Variants in CDS2 observed in about 807,000 individuals in gnomAD.
CDS2 encodes the protein phosphatidate cytidylyltransferase 2.
CDS2 carries 47 observed loss-of-function variants against 59.0 expected under a neutral mutation model. That is an observed-to-expected ratio of 0.80 (90% CI 0.63 to 1.02). The LOEUF (loss-of-function observed/expected upper bound fraction) is 1.02. Ranked by LOEUF, CDS2 falls within the 50% of genes least tolerant of loss-of-function variation. CDS2 has a pLI of 0.00. For synonymous variants in CDS2, 207 were observed against 206.4 expected, an observed-to-expected ratio of 1.00 and a Z score of -0.02; for missense variants, 356 against 558.9, an observed-to-expected ratio of 0.64 and a Z score of 3.66.
chr20:5,130,190 G>T (rs1263384307), intron 1 of CDS2, among the ~76,000 whole-genome samples: 9 of 151,758 alleles, frequency 5.9e-5, no homozygotes, highest in African/African-American at 2.2e-4. Flanking sequence ...GGCCAGGTTG[G>T]TCTCGAACTC....
chr20:5,137,656 T>A (rs2090658797), intron 1 of CDS2, among the ~76,000 whole-genome samples: 1 of 151,728 alleles, frequency 6.6e-6, no homozygotes, highest in African/African-American at 2.4e-5. Flanking sequence ...ACAAAAATAT[T>A]TTTTAAAATT....
At chr20:5,141,633 G>A (rs187901924) in intron 1 of CDS2, among the ~76,000 whole-genome samples, 90 of 152,188 alleles carry the variant, frequency 5.9e-4, no homozygotes, top group African/African-American at 2.1e-3. Flanking sequence ...TTGGGTGGGG[G>A]GTGATGGGGA....
In CDS2 at chr20:5,193,592, C is replaced by T. The variant is rs753151631; in HGVS notation, c.*3358C>T. The stretch of plus-strand genomic sequence containing the variant: ...GGATCTTTGAGTTGAGATCTTCACA[C>T]TGTCAGTGAGCCCTTGGCTCAGCCC... On this transcript the variant is annotated 3_prime_UTR_variant, in exon 13 of 13. Transcript: ENST00000460006. 3 of 152,272 alleles carry T rather than the reference C, an allele frequency of 2.0e-5. No individual in the cohort carries two copies. Among genetic ancestry groups the T allele is most frequent in the Non-Finnish European group, 2.9e-5 (2 of 68,056 alleles). 9.4% of individuals were successfully genotyped at this position (152,272 alleles called of 1,614,324 possible).
Position 5,186,681 on chromosome 20 carries a change from C to T in CDS2, c.829-6C>T, listed in dbSNP as rs200664990. 6.0e-5 allele frequency: 97 copies of T among 1,613,956 alleles called. No individual in the cohort carries two copies. The African/African-American group carries it at 1.2e-3, about 20-fold the overall frequency. On this transcript the variant is annotated splice_polypyrimidine_tract_variant and splice_region_variant and intron_variant, in intron 9 of 12. Coordinates refer to ENST00000460006, the MANE Select transcript of CDS2 (RefSeq NM_003818.4). ...CCTTGCCGGTCTCTCTGTTATTCCT[C>T]CTCAGCTGTCCTATGTGATGTCCGG...
At chr20:5,131,815 A>G (rs1169801168) in intron 1 of CDS2, among the ~76,000 whole-genome samples, 1 of 152,256 alleles carries the variant, frequency 6.6e-6, no homozygotes, top group Non-Finnish European at 1.5e-5. Context: ...CCATCATTAA[A>G]ATGGGGGTCA....
At chr20:5,187,040 G>T in intron 10 of CDS2, 1 of 427,926 alleles carries the variant, frequency 2.3e-6, no homozygotes, top group Non-Finnish European at 4.3e-6. Context: ...TTAGACCAGT[G>T]GTTTTCAAAG....
rs1428104080 is a variant in CDS2, at chr20:5,196,282, T to G, written c.*6048T>G. ...CCCTCCTGTCCTTCTGGGTTTGTGTTTGCCTTGCCTGGTGCTTCCTCCCTC... is the reference window on the plus strand; with the variant it reads ...CCCTCCTGTCCTTCTGGGTTTGTGTGTGCCTTGCCTGGTGCTTCCTCCCTC... On this transcript the variant is annotated 3_prime_UTR_variant, in exon 13 of 13. Transcript: ENST00000460006. 6.6e-6 allele frequency: 1 copy of G among 152,192 alleles called. No homozygotes were observed. The highest frequency in any genetic ancestry group is 2.4e-5 in the African/African-American group (1 of 41,416). 9.4% of individuals were successfully genotyped at this position (152,192 alleles called of 1,614,324 possible).
intron 1 of CDS2, chr20:5,128,751 G>A (rs1332772627): frequency 1.3e-5 from 2 of 152,184 alleles, no homozygotes; most frequent in East Asian, 3.9e-4. Flanking sequence ...CTACTAGTTG[G>A]TGAGTATGCA....
Position 5,189,168 on chromosome 20 carries a change from A to G in CDS2, c.1083A>G (p.Lys361=), listed in dbSNP as rs749372617. Residue 361 remains lysine (K), a synonymous_variant, in exon 11 of 13, where the codon AAA becomes AAG. Coordinates refer to ENST00000460006, the MANE Select transcript of CDS2 (RefSeq NM_003818.4). ...PFGGFFASGF[K]RAFKIKDFAN... is the part of the protein sequence containing the mutation. ...GAGGATTCTTCGCAAGTGGATTCAA[A>G]CGAGCCTTTAAAATCAAAGTAGGAA... 7 of 1,613,926 alleles carry G rather than the reference A, an allele frequency of 4.3e-6. No individual in the cohort carries two copies. Among genetic ancestry groups the G allele is most frequent in the Non-Finnish European group, 5.9e-6 (7 of 1,179,988 alleles).
chr20:5,134,835 A>G (rs1244502826), intron 1 of CDS2, among the ~76,000 whole-genome samples: 2 of 152,176 alleles, frequency 1.3e-5, no homozygotes, highest in African/African-American at 4.8e-5. Flanking sequence ...GCATATTTAA[A>G]TTGGTAAGGT....
At position 5,194,902 on chromosome 20, in the gene CDS2, G is replaced by C. The variant is rs1237229422; in HGVS notation, c.*4668G>C. Reference sequence around the variant, plus strand: ...AATATGTGCCAGGCATAGTGCTAAGGGTTTACATACGTTATCCCTTTTAAT... The same window carrying C: ...AATATGTGCCAGGCATAGTGCTAAGCGTTTACATACGTTATCCCTTTTAAT... On this transcript the variant is annotated 3_prime_UTR_variant, in exon 13 of 13. Transcript: ENST00000460006. The C allele has an allele frequency of 6.6e-6, 1 of 152,094 alleles. No homozygotes were observed. The highest frequency in any genetic ancestry group is 2.4e-5 in the African/African-American group (1 of 41,406). The allele number at this position is 152,094 out of a possible 1,614,324, so 9.4% of individuals were successfully genotyped here.
chr20:5,155,185 C>T (rs2090823827), intron 1 of CDS2, among the ~76,000 whole-genome samples: 1 of 152,208 alleles, frequency 6.6e-6, no homozygotes, highest in Non-Finnish European at 1.5e-5. Context: ...CACCCCAAGT[C>T]ATTTTAACCT....
chr20:5,182,310 C>A, intron 5 of CDS2, 77 bp from the exon 6 acceptor site: 2 of 1,330,892 alleles, frequency 1.5e-6, no homozygotes, highest in Non-Finnish European at 1.0e-6. Flanking sequence ...CAAAGAACCA[C>A]TTAACATAGC....
At chr20:5,147,016 C>T (rs189442834) in intron 1 of CDS2, among the ~76,000 whole-genome samples, 403 of 152,290 alleles carry the variant, frequency 2.6e-3, no homozygotes, top group African/African-American at 8.4e-3. Context: ...TTCTGAAAAA[C>T]GCATGATTTC....
chr20:5,178,168 A>G (rs2091007896), intron 4 of CDS2, among the ~76,000 whole-genome samples: 1 of 152,232 alleles, frequency 6.6e-6, no homozygotes, highest in Non-Finnish European at 1.5e-5. Flanking sequence ...ACACAAGTGA[A>G]GAGTTAACGC....
At chr20:5,173,115 C>T (rs1015502156) in intron 1 of CDS2, among the ~76,000 whole-genome samples, 3 of 152,252 alleles carry the variant, frequency 2.0e-5, no homozygotes, top group Admixed American at 6.5e-5. Flanking sequence ...ACAGGGGCAA[C>T]AGCCTCACCA....
At chr20:5,144,336 G>T (rs889921191) in intron 1 of CDS2, among the ~76,000 whole-genome samples, 2 of 152,158 alleles carry the variant, frequency 1.3e-5, no homozygotes, top group African/African-American at 2.4e-5. Flanking sequence ...GGTGAGTTGG[G>T]TGACATACTC....
rs1277383071 is a variant in CDS2, at chr20:5,186,924, A to G, written c.981+85A>G. Reference sequence around the variant, plus strand: ...CCCCTCCATCACCTGCCCTCTGAAAAAAGCTAGCTTCCTCCTTCCCAAAGC... The same window carrying G: ...CCCCTCCATCACCTGCCCTCTGAAAGAAGCTAGCTTCCTCCTTCCCAAAGC... On this transcript the variant is annotated intron_variant, in intron 10 of 12. Coordinates refer to ENST00000460006, the MANE Select transcript of CDS2 (RefSeq NM_003818.4). 10 of 1,491,418 alleles carry G rather than the reference A, an allele frequency of 6.7e-6. No homozygotes were observed. The East Asian group carries it at 1.1e-4, about 17-fold the overall frequency. 92.4% of individuals were successfully genotyped at this position (1,491,418 alleles called of 1,614,324 possible).
Position 5,178,950 on chromosome 20 carries a change from C to G in CDS2, c.523C>G (p.Leu175Val). The change falls in exon 5 of 13, where the codon CTA (leucine) becomes GTA (valine). Residue 175 changes from leucine (L) to valine (V), a missense_variant. Around this residue, in one of 5 missense-constraint regions of CDS2, gnomAD observed 87 missense variants for 193.3 expected, o/e 0.45. Transcript: ENST00000460006. ...CCGGTTCATTTCCTTTACTCTCTATCTAATAGGTATGCATTAAGCAGTTCA... is the reference window on the plus strand; with the variant it reads ...CCGGTTCATTTCCTTTACTCTCTATGTAATAGGTATGCATTAAGCAGTTCA... The part of the protein sequence containing the change: ...YHRFISFTLY[L>V]IGFCMFVLSL... 1 of 1,613,942 alleles carries G rather than the reference C, an allele frequency of 6.2e-7. No homozygotes were observed. The highest frequency in any genetic ancestry group is 8.5e-7 in the Non-Finnish European group (1 of 1,179,854).
Sources: allele counts gnomAD v4.1 joint callset (sites outside exome capture counted in the v4.1 genomes callset), GRCh38; gene constraint gnomAD v4.1.1; regional missense constraint gnomAD v4.1.1; transcripts MANE v1.5; gene names NCBI Gene and HGNC (gene_info 2026-07-23, HGNC 2026-07-21).